SEC23IP: variants seen among roughly 807,000 people sequenced by gnomAD.
The protein encoded by SEC23IP is SEC23-interacting protein.
Under a neutral mutation model 113.4 loss-of-function variants are expected in SEC23IP, and 70 were observed. That is an observed-to-expected ratio of 0.62 (90% confidence interval 0.51 to 0.75). The LOEUF is 0.75. SEC23IP is among the 30% of genes least tolerant of loss of function. SEC23IP has a pLI of 0.00. For missense variants in SEC23IP, 1,160 were observed against 1,204.9 expected (o/e 0.96, Z 0.55); for synonymous variants, 398 against 421.0 (o/e 0.95, Z 0.67).
rs745781552 is a variant in SEC23IP, at chr10:119,914,836, T to C, written c.1402+17T>C. 30 of 1,602,534 alleles carry C rather than the reference T, an allele frequency of 1.9e-5. No individual in the cohort carries two copies. The highest frequency in any genetic ancestry group is 2.5e-5 in the Non-Finnish European group (29 of 1,169,578). Reference sequence around the variant, plus strand: ...TTGAGTGTGGTAAGTGTTGGGTATATTGTATTTCATGGGATGATCTGAGAA... The same window carrying C: ...TTGAGTGTGGTAAGTGTTGGGTATACTGTATTTCATGGGATGATCTGAGAA... On this transcript the variant is annotated intron_variant, in intron 7 of 18. Coordinates refer to ENST00000369075, the MANE Select transcript of SEC23IP (RefSeq NM_007190.4).
intron 11 of SEC23IP, among the ~76,000 whole-genome samples, chr10:119,920,393 C>T (rs376196334): frequency 2.6e-5 from 4 of 152,266 alleles, no homozygotes; most frequent in South Asian, 4.2e-4. Flanking sequence ...ATCCGCATAA[C>T]GGAGTACCCT....
chr10:119,924,260 C>G (rs1855346751), intron 12 of SEC23IP, among the ~76,000 whole-genome samples: 1 of 152,144 alleles, frequency 6.6e-6, no homozygotes, highest in Non-Finnish European at 1.5e-5. Context: ...TGTTTAGGCA[C>G]TGTCGATAGC....
chr10:119,931,040 CTT>C (rs1855580304), intron 15 of SEC23IP, among the ~76,000 whole-genome samples: 1 of 152,054 alleles, frequency 6.6e-6, no homozygotes, highest in African/African-American at 2.4e-5. Flanking sequence ...ATATTGAACT[CTT>C]TTGAAGTTAA....
intron 4 of SEC23IP, chr10:119,904,686 CTTAAATCTATAA>C (rs1226316333): frequency 6.4e-6 from 1 of 156,538 alleles, no homozygotes; most frequent in Admixed American, 6.3e-5. Flanking sequence ...TATTAGCCAT[CTTAAATCTATAA>C]TTTCTTCAAG....
chr10:119,909,108 C>A lies in SEC23IP; in HGVS notation c.1169C>A (p.Thr390Lys). 6.2e-7 allele frequency: 1 copy of A among 1,611,664 alleles called. No individual in the cohort carries two copies. Among genetic ancestry groups the A allele is most frequent in the South Asian group, 1.1e-5 (1 of 90,788 alleles). Residue 390 changes from threonine to lysine, a missense_variant, in exon 5 of 19, where the codon ACA becomes AAA. Thr to Lys is a moderately conservative substitution (Grantham distance 78). Coordinates refer to ENST00000369075, the MANE Select transcript of SEC23IP (RefSeq NM_007190.4). The part of the protein sequence containing the change: ...HRRLEFPSGE[T>K]IVMHNPKVIV... ...AGATTAGAGTTTCCAAGTGGAGAGA[C>A]AATTGTTATGCACAATCCAAAGGTA...
chr10:119,934,930 A>G (rs1336262172), intron 18 of SEC23IP, among the ~76,000 whole-genome samples: 1 of 152,166 alleles, frequency 6.6e-6, no homozygotes, highest in African/African-American at 2.4e-5. Context: ...TGAGGTTAGG[A>G]GTTCGAGACC....
chr10:119,916,635 A>G (rs80140957), intron 8 of SEC23IP, among the ~76,000 whole-genome samples: 1,695 of 152,262 alleles, frequency 0.011, 44 homozygotes, highest in African/African-American at 0.038. Flanking sequence ...AAATTAGGGA[A>G]GATTTTTCAT....
At chr10:119,935,049 G>C (rs1273002347) in intron 18 of SEC23IP, among the ~76,000 whole-genome samples, 11 of 152,174 alleles carry the variant, frequency 7.2e-5, no homozygotes, top group South Asian at 2.1e-4. Context: ...GTGAAAGATG[G>C]CTTTCCCATA....
In SEC23IP at chr10:119,929,747, C is replaced by T; in HGVS notation, c.2454C>T (p.Phe818=). The T allele has an allele frequency of 6.3e-7, 1 of 1,586,842 alleles. No homozygotes were observed. The highest frequency in any genetic ancestry group is 8.6e-7 in the Non-Finnish European group (1 of 1,159,962). ...GCCTTCCTACCTGTAAAGGGTTCTT[C>T]AATATTTATCATCCGGTGAGTAATT... ...NYSLPTCKGF[F]NIYHPLDPVA... Residue 818 remains phenylalanine (F), a synonymous_variant, in exon 14 of 19, where the codon TTC becomes TTT. Coordinates refer to ENST00000369075, the MANE Select transcript of SEC23IP (RefSeq NM_007190.4).
chr10:119,917,924 C>T lies in SEC23IP; in HGVS notation c.1633C>T (p.Pro545Ser), dbSNP rs1203200594. The change falls in exon 9 of 19, where the codon CCC (proline) becomes TCC (serine). Residue 545 changes from proline to serine, a missense_variant. Physicochemically the swap from Pro to Ser is moderately conservative, Grantham distance 74 (BLOSUM62 -1). Coordinates refer to ENST00000369075, the MANE Select transcript of SEC23IP (RefSeq NM_007190.4). ...GCTAGATATTTTATTTTATAACAGC[C>T]CCACCTACTGTCAGACAATTGTGGA... is the stretch of plus-strand genomic sequence containing the variant. ...TLLDILFYNSPTYCQTIVEKV... is the reference protein window; with the variant it reads ...TLLDILFYNSSTYCQTIVEKV... 7.4e-6 allele frequency: 12 copies of T among 1,613,672 alleles called. No homozygotes were observed. Among genetic ancestry groups the T allele is most frequent in the Admixed American group, 1.7e-5 (1 of 59,984 alleles).
At position 119,898,918 on chromosome 10, in the gene SEC23IP, C is replaced by G; in HGVS notation, c.655C>G (p.Pro219Ala). ...TGCTCATCCTCCACCTTCTGGACCCCCTGTTCAGATGTACCAGATGCCTCC... is the reference window on the plus strand; with the variant it reads ...TGCTCATCCTCCACCTTCTGGACCCGCTGTTCAGATGTACCAGATGCCTCC... ...PPAHPPPSGP[P>A]VQMYQMPPGS... Residue 219 changes from proline to alanine, a missense_variant, in exon 2 of 19, where the codon CCT becomes GCT. Coordinates refer to ENST00000369075, the MANE Select transcript of SEC23IP (RefSeq NM_007190.4). 6.2e-7 allele frequency: 1 copy of G among 1,600,468 alleles called. No individual in the cohort carries two copies. Among genetic ancestry groups the G allele is most frequent in the Non-Finnish European group, 8.5e-7 (1 of 1,179,032 alleles).
intron 1 of SEC23IP, 55 bp from the exon 2 acceptor site, chr10:119,898,372 A>G (rs1488537819): frequency 2.0e-6 from 3 of 1,510,604 alleles, no homozygotes; most frequent in Admixed American, 2.3e-5. Context: ...ATAGAATCGT[A>G]TCTGCGGAGT....
In SEC23IP at chr10:119,918,397, T is replaced by C; in HGVS notation, c.1758T>C (p.Ser586=). 1.3e-6 allele frequency: 2 copies of C among 1,581,714 alleles called. No homozygotes were observed. The highest frequency in any genetic ancestry group is 2.2e-5 in the South Asian group (2 of 90,256). The change falls in exon 10 of 19, where the codon TCT becomes TCC. Residue 586 remains serine (S), a synonymous_variant. Coordinates refer to ENST00000369075, the MANE Select transcript of SEC23IP (RefSeq NM_007190.4). ...GVSVAGHSLG[S]LILFDILSNQ... Reference sequence around the variant, plus strand: ...CAAAATGTTTCTTTTTCATAGGTTCTTTAATATTGTTTGACATCCTGTCTA... The same window carrying C: ...CAAAATGTTTCTTTTTCATAGGTTCCTTAATATTGTTTGACATCCTGTCTA...
intron 2 of SEC23IP, 98 bp from the exon 3 acceptor site, chr10:119,902,701 T>C (rs1203100186): frequency 3.2e-6 from 3 of 938,880 alleles, no homozygotes; most frequent in Non-Finnish European, 5.0e-6. Flanking sequence ...TGTCCAGATA[T>C]ACATGTAGGA....
chr10:119,938,066 GGAT>G, intron 18 of SEC23IP, among the ~76,000 whole-genome samples: 1 of 151,470 alleles, frequency 6.6e-6, no homozygotes, highest in South Asian at 2.1e-4. Flanking sequence ...CGCTGTGGGA[GGAT>G]TACTTGAGCC....
At chr10:119,919,354 C>A in intron 10 of SEC23IP, 90 bp from the exon 11 acceptor site, 1 of 1,235,150 alleles carries the variant, frequency 8.1e-7, no homozygotes, top group Non-Finnish European at 1.1e-6. Context: ...CTGTGTAAAG[C>A]AAAATTGTTT....
chr10:119,913,813 T>A (rs547393024), intron 6 of SEC23IP, among the ~76,000 whole-genome samples: 1 of 152,170 alleles, frequency 6.6e-6, no homozygotes, highest in Non-Finnish European at 1.5e-5. Flanking sequence ...ATGTTATTTT[T>A]ATGTTTTTCC....
At chr10:119,896,180 C>G (rs1015813213) in intron 1 of SEC23IP, among the ~76,000 whole-genome samples, 1 of 152,188 alleles carries the variant, frequency 6.6e-6, no homozygotes, top group African/African-American at 2.4e-5. Flanking sequence ...GTTGTAGAGA[C>G]TCACAGAAGA....
At chr10:119,920,386 C>T (rs962238405) in intron 11 of SEC23IP, among the ~76,000 whole-genome samples, 2 of 152,124 alleles carry the variant, frequency 1.3e-5, no homozygotes, top group African/African-American at 2.4e-5. Flanking sequence ...ATGGTGCATC[C>T]GCATAACGGA....
Sources: allele counts gnomAD v4.1 joint callset (sites outside exome capture counted in the v4.1 genomes callset), GRCh38; gene constraint gnomAD v4.1.1; transcripts MANE v1.5; gene names NCBI Gene and HGNC (gene_info 2026-07-23, HGNC 2026-07-21).